The following CNTNAP2 variants were observed in gnomAD, a reference collection of about 807,000 sequenced individuals.
The protein encoded by CNTNAP2 is contactin-associated protein-like 2.
Under a neutral mutation model 155.2 loss-of-function variants are expected in CNTNAP2, and 98 were observed. That is an observed-to-expected ratio of 0.63 (90% CI 0.54 to 0.75). CNTNAP2 has a LOEUF of 0.75. Ranked by LOEUF, CNTNAP2 falls within the 30% of genes least tolerant of loss-of-function variation. The probability of loss-of-function intolerance (pLI) is 0.00; values close to 1 mark genes in which losing one functional copy is unlikely to be tolerated. For synonymous variants in CNTNAP2, 651 were observed against 631.2 expected (o/e 1.03, Z -0.47); for missense variants, 1,727 against 1,688.1 (o/e 1.02, Z -0.40).
At chr7:146,812,540 G>A (rs1803087307) in intron 2 of CNTNAP2, among the ~76,000 whole-genome samples, 1 of 151,494 alleles carries the variant, frequency 6.6e-6, no homozygotes, top group South Asian at 2.1e-4. Flanking sequence ...ATGTTGGTGT[G>A]CTGCACCCAT....
At chr7:148,172,626 C>A in intron 18 of CNTNAP2, 148 bp downstream of exon 18, 1 of 802,476 alleles carries the variant, frequency 1.2e-6, no homozygotes. Flanking sequence ...TAGGAATTTT[C>A]CAACCAAAAT....
chr7:148,035,485 C>T (rs1802557150), intron 15 of CNTNAP2, among the ~76,000 whole-genome samples: 1 of 151,978 alleles, frequency 6.6e-6, no homozygotes. Flanking sequence ...TCAAGTGGGC[C>T]CAGGTGCAGC....
chr7:147,244,881 T>C (rs1026021293), intron 8 of CNTNAP2, among the ~76,000 whole-genome samples: 5 of 152,184 alleles, frequency 3.3e-5, no homozygotes, highest in African/African-American at 1.2e-4. Flanking sequence ...CTTAGATTCT[T>C]AGTACTACTC....
chr7:148,134,890 G>A (rs1429204214), intron 16 of CNTNAP2, among the ~76,000 whole-genome samples: 2 of 151,912 alleles, frequency 1.3e-5, no homozygotes, highest in Non-Finnish European at 2.9e-5. Flanking sequence ...TCATTTTGGT[G>A]TCTATATTTC....
At chr7:146,448,289 T>C (rs1303696539) in intron 1 of CNTNAP2, among the ~76,000 whole-genome samples, 2 of 151,994 alleles carry the variant, frequency 1.3e-5, no homozygotes, top group African/African-American at 4.8e-5. Context: ...ACAAAACAGC[T>C]TGTCATTCCA....
At chr7:147,883,062 T>C (rs2538989) in intron 13 of CNTNAP2, among the ~76,000 whole-genome samples, 86,597 of 151,992 alleles carry the variant, frequency 0.57, 25,259 homozygotes, top group African/African-American at 0.69. Flanking sequence ...TACAGCATGA[T>C]AGATAGGGTA....
chr7:147,086,802 C>T (rs530336775), intron 4 of CNTNAP2, among the ~76,000 whole-genome samples: 1 of 152,210 alleles, frequency 6.6e-6, no homozygotes, highest in East Asian at 1.9e-4. Flanking sequence ...CTAACTATAT[C>T]AAATAATGTC....
At chr7:147,623,173 C>G (rs1794899292) in intron 12 of CNTNAP2, among the ~76,000 whole-genome samples, 1 of 152,032 alleles carries the variant, frequency 6.6e-6, no homozygotes, top group Non-Finnish European at 1.5e-5. Context: ...AATCTGAAAG[C>G]CTTTCCTCGA....
At chr7:147,407,920 C>T (rs571169908) in intron 10 of CNTNAP2, among the ~76,000 whole-genome samples, 2 of 152,268 alleles carry the variant, frequency 1.3e-5, no homozygotes, top group African/African-American at 4.8e-5. Flanking sequence ...AGTGTGGAGG[C>T]ACAGATAACC....
intron 3 of CNTNAP2, among the ~76,000 whole-genome samples, chr7:146,908,080 T>C (rs377599272): frequency 1.3e-5 from 2 of 152,038 alleles, no homozygotes; most frequent in African/African-American, 4.8e-5. Context: ...GTAAAGGGAT[T>C]AATTCAACAA....
chr7:146,849,538 A>G (rs1312564865), intron 3 of CNTNAP2, among the ~76,000 whole-genome samples: 1 of 152,164 alleles, frequency 6.6e-6, no homozygotes. Flanking sequence ...AAATATCTGA[A>G]CTCTGCTCCA....
At chr7:147,378,980 C>A (rs899606363) in intron 9 of CNTNAP2, among the ~76,000 whole-genome samples, 1 of 151,966 alleles carries the variant, frequency 6.6e-6, no homozygotes, top group Non-Finnish European at 1.5e-5. Context: ...GGCAGCAGTT[C>A]CCCCCATGCT....
intron 1 of CNTNAP2, among the ~76,000 whole-genome samples, chr7:146,325,180 C>G (rs1055601155): frequency 6.6e-6 from 1 of 152,082 alleles, no homozygotes; most frequent in African/African-American, 2.4e-5. Flanking sequence ...ATCCTCCTGC[C>G]TCAACCTCCC....
chr7:147,159,928 T>A (rs1170121691), intron 8 of CNTNAP2, among the ~76,000 whole-genome samples: 2 of 149,352 alleles, frequency 1.3e-5, no homozygotes, highest in African/African-American at 2.6e-5. Context: ...TTATATGATA[T>A]GAATCAAAGT....
intron 4 of CNTNAP2, among the ~76,000 whole-genome samples, chr7:147,104,786 A>G (rs1251072635): frequency 2.0e-5 from 3 of 148,622 alleles, no homozygotes; most frequent in Non-Finnish European, 4.5e-5. Context: ...AACTCAAATT[A>G]TTAGTGTACA....
At chr7:146,931,667 C>T (rs1288937642) in intron 3 of CNTNAP2, among the ~76,000 whole-genome samples, 1 of 149,380 alleles carries the variant, frequency 6.7e-6, no homozygotes, top group Admixed American at 6.7e-5. Context: ...TTGAAAGGAT[C>T]AACAAAATTG....
chr7:146,197,127 A>G (rs908622185), intron 1 of CNTNAP2, among the ~76,000 whole-genome samples: 4 of 152,072 alleles, frequency 2.6e-5, no homozygotes, highest in African/African-American at 7.2e-5. Flanking sequence ...TTCCACTTTC[A>G]TTTTTCCTAG....
intron 1 of CNTNAP2, among the ~76,000 whole-genome samples, chr7:146,371,628 G>C (rs1291005565): frequency 6.6e-6 from 1 of 151,628 alleles, no homozygotes; most frequent in Non-Finnish European, 1.5e-5. Context: ...GCCTCCCAAA[G>C]GCCAGTATTA....
At chr7:147,803,610 C>T (rs528855376) in intron 13 of CNTNAP2, among the ~76,000 whole-genome samples, 1 of 152,314 alleles carries the variant, frequency 6.6e-6, no homozygotes, top group East Asian at 1.9e-4. Flanking sequence ...AAGGATATCC[C>T]TGGATTTCCT....
Sources: gnomAD v4.1 joint callset for allele counts (sites outside exome capture counted in the v4.1 genomes callset) on GRCh38, gnomAD v4.1.1 for gene constraint, MANE v1.5 for transcripts, NCBI Gene and HGNC (gene_info 2026-07-23, HGNC 2026-07-21) for gene names.